Variants in NRG1 observed in about 807,000 individuals in gnomAD.
The protein encoded by NRG1 is pro-neuregulin-1, membrane-bound isoform.
A neutral mutation model predicts 63.8 loss-of-function variants in NRG1; 18 were observed. The observed-to-expected ratio is 0.28, with a 90% CI of 0.19 to 0.42. The LOEUF (loss-of-function observed/expected upper bound fraction) is 0.42, where lower values mean the gene tolerates loss of function less well. Ranked by LOEUF, NRG1 falls within the 10% of genes least tolerant of loss-of-function variation. The pLI, the probability that NRG1 is intolerant of heterozygous loss-of-function variation, is 1.00. For synonymous variants in NRG1, 302 were observed against 301.3 expected, an observed-to-expected ratio of 1.00 and a Z score of -0.02; for missense variants, 762 against 814.7, an observed-to-expected ratio of 0.94 and a Z score of 0.79.
chr8:32,056,192 C>T (rs1822904830), intron 1 of NRG1, among the ~76,000 whole-genome samples: 1 of 152,056 alleles, frequency 6.6e-6, no homozygotes, highest in African/African-American at 2.4e-5. Flanking sequence ...AGATTAGTGA[C>T]AGGGGATGCC....
rs1801996542 is a variant in NRG1 at position 31,943,029 on chromosome 8, A to G, written c.37+303598A>G. ...CCAGCAATCCCACTACTAGGTATCT[A>G]CCCAGAGGAAGTCATTATACAAAAA... is the stretch of plus-strand genomic sequence containing the variant. On this transcript the variant is annotated intron_variant, in intron 1 of 10. Coordinates refer to the NRG1 transcript ENST00000519301. 2.0e-5 allele frequency among the ~76,000 whole-genome samples: 3 copies of G among 152,244 alleles called. No homozygotes were observed. In the South Asian group the frequency reaches 6.2e-4, roughly 32 times the overall value.
At chr8:32,605,575 C>T (rs146885321) in exon 3 of NRG1, 34 of 1,613,072 alleles carry the variant, frequency 2.1e-5, no homozygotes, top group South Asian at 5.5e-5. Context: ...GTCAGAACTT[C>T]GCATTAACAA....
At chr8:32,254,645 A>T (rs7461815) in intron 1 of NRG1, among the ~76,000 whole-genome samples, 105,679 of 152,104 alleles carry the variant, frequency 0.69, 37,272 homozygotes, top group African/African-American at 0.79. Flanking sequence ...GAAGAATGTA[A>T]ATTCTGTTGA....
chr8:31,733,671 CAG>C (rs2131366069), intron 1 of NRG1, among the ~76,000 whole-genome samples: 1 of 152,246 alleles, frequency 6.6e-6, no homozygotes, highest in African/African-American at 2.4e-5. Context: ...AGCCAGAGGA[CAG>C]AGTGTGAAGG....
At chr8:32,494,173 A>C (rs1417140959) in intron 1 of NRG1, among the ~76,000 whole-genome samples, 1 of 152,196 alleles carries the variant, frequency 6.6e-6, no homozygotes, top group African/African-American at 2.4e-5. Flanking sequence ...TAAGATGCTG[A>C]TTTATAAGCA....
chr8:32,619,944 C>T (rs1047006786), intron 5 of NRG1, among the ~76,000 whole-genome samples: 6 of 152,118 alleles, frequency 3.9e-5, no homozygotes, highest in African/African-American at 1.4e-4. Flanking sequence ...GAACCAGGTC[C>T]AGTCTTAGTT....
intron 1 of NRG1, chr8:32,136,589 A>C (rs1455855658): frequency 1.3e-5 from 2 of 152,080 alleles, no homozygotes; most frequent in African/African-American, 2.4e-5. Flanking sequence ...GGTTTGATGC[A>C]AGCATGGTAC....
chr8:31,957,247 G>A (rs528471487), intron 1 of NRG1, among the ~76,000 whole-genome samples: 7 of 151,978 alleles, frequency 4.6e-5, no homozygotes, highest in African/African-American at 1.7e-4. Context: ...CTGAGGGGAG[G>A]TGAAATGAGA....
chr8:32,571,599 TTGTTTTTTTCA>T (rs1838598772), intron 1 of NRG1, among the ~76,000 whole-genome samples: 2 of 152,320 alleles, frequency 1.3e-5, no homozygotes, highest in South Asian at 4.1e-4. Flanking sequence ...TTGTTTTGTT[TTGTTTTTTTCA>T]AGGCCTAGGT....
chr8:32,250,412 C>G (rs1295998771), intron 1 of NRG1, among the ~76,000 whole-genome samples: 1 of 152,076 alleles, frequency 6.6e-6, no homozygotes, highest in Non-Finnish European at 1.5e-5. Flanking sequence ...CCACTGAGAT[C>G]CACCATCGAA....
intron 1 of NRG1, among the ~76,000 whole-genome samples, chr8:31,887,998 T>C (rs1436062430): frequency 4.0e-5 from 6 of 151,564 alleles, no homozygotes; most frequent in Admixed American, 4.0e-4. Context: ...TATCAATATA[T>C]AAACCTAGGA....
chr8:32,412,214 T>C (rs1815064568), intron 1 of NRG1, among the ~76,000 whole-genome samples: 1 of 151,932 alleles, frequency 6.6e-6, no homozygotes, highest in Admixed American at 6.6e-5. Flanking sequence ...TCTTGAGTCT[T>C]GAGGCTACTG....
intron 1 of NRG1, among the ~76,000 whole-genome samples, chr8:32,291,792 G>T (rs1854234144): frequency 6.6e-6 from 1 of 152,038 alleles, no homozygotes; most frequent in Admixed American, 6.6e-5. Context: ...TGATCTGCTG[G>T]CCTCTGCCTC....
intron 1 of NRG1, among the ~76,000 whole-genome samples, chr8:31,741,883 T>C (rs900951809): frequency 2.0e-5 from 3 of 151,928 alleles, no homozygotes; most frequent in Admixed American, 6.6e-5. Context: ...GAAGCACATA[T>C]AAGAATATTC....
chr8:31,645,209 A>G (rs113027202), intron 1 of NRG1, among the ~76,000 whole-genome samples: 1 of 152,294 alleles, frequency 6.6e-6, no homozygotes, highest in African/African-American at 2.4e-5. Context: ...TAACCTGGCT[A>G]GTTTACCCCC....
chr8:32,115,582 G>A lies in NRG1; in HGVS notation c.37+476151G>A, dbSNP rs148179869. Reference sequence around the variant, plus strand: ...AGGAGGAAGGGAATGGGTTAGTCTTGCTGTCTCAAGGATGGCAAAGGCAGA... The same window carrying A: ...AGGAGGAAGGGAATGGGTTAGTCTTACTGTCTCAAGGATGGCAAAGGCAGA... On this transcript the variant is annotated intron_variant, in intron 1 of 10. Transcript: ENST00000519301. Among the ~76,000 whole-genome samples the A allele has an allele frequency of 1.1e-3, 173 of 152,212 alleles. 6 individuals carry two copies. The East Asian group carries it at 0.028, about 25-fold the overall frequency.
intron 5 of NRG1, among the ~76,000 whole-genome samples, chr8:32,634,805 T>C (rs1395771574): frequency 6.6e-6 from 1 of 152,222 alleles, no homozygotes; most frequent in African/African-American, 2.4e-5. Flanking sequence ...TTCCATACTT[T>C]GTATCAGTAT....
intron 5 of NRG1, among the ~76,000 whole-genome samples, chr8:32,677,836 A>G (rs1005865290): frequency 6.6e-6 from 1 of 152,124 alleles, no homozygotes; most frequent in Non-Finnish European, 1.5e-5. Context: ...TACCCCCACA[A>G]ATCGCACTTA....
chr8:31,728,460 G>A (rs1269876537), intron 1 of NRG1, among the ~76,000 whole-genome samples: 1 of 152,124 alleles, frequency 6.6e-6, no homozygotes, highest in African/African-American at 2.4e-5. Context: ...ATGTTACGTA[G>A]TATTCATATT....
Sources: gnomAD v4.1 joint callset for allele counts (sites outside exome capture counted in the v4.1 genomes callset) on GRCh38, gnomAD v4.1.1 for gene constraint, MANE v1.5 for transcripts, NCBI Gene and HGNC (gene_info 2026-07-23, HGNC 2026-07-21) for gene names.